Variants in PRKCB observed in about 807,000 individuals in gnomAD.
PRKCB encodes the protein protein kinase C beta type.
Under a neutral mutation model 81.5 loss-of-function variants are expected in PRKCB, and 13 were observed. That is an observed-to-expected ratio of 0.16 (90% CI 0.10 to 0.25). The LOEUF is 0.25. PRKCB is among the 10% of genes least tolerant of loss of function. The probability of loss-of-function intolerance (pLI) is 1.00; values close to 1 mark genes in which losing one functional copy is unlikely to be tolerated. For missense variants in PRKCB, 509 were observed against 875.7 expected, an observed-to-expected ratio of 0.58 and a Z score of 5.29; for synonymous variants, 335 against 321.4, an observed-to-expected ratio of 1.04 and a Z score of -0.45.
chr16:24,150,660 T>C (rs1967066051), intron 9 of PRKCB, among the ~76,000 whole-genome samples: 1 of 152,240 alleles, frequency 6.6e-6, no homozygotes, highest in African/African-American at 2.4e-5. Context: ...TTGAAACACT[T>C]GTTGCAAAAC....
At chr16:23,860,940 C>T (rs575633566) in intron 2 of PRKCB, among the ~76,000 whole-genome samples, 4 of 152,022 alleles carry the variant, frequency 2.6e-5, no homozygotes, top group Middle Eastern at 3.4e-3. Context: ...TTTAATTCTT[C>T]GGGTTAAGGA....
intron 2 of PRKCB, among the ~76,000 whole-genome samples, chr16:23,980,508 T>C (rs572925597): frequency 2.0e-5 from 3 of 152,346 alleles, no homozygotes; most frequent in Admixed American, 1.3e-4. Context: ...GGTACTGTGA[T>C]AAAATAAGGC....
chr16:23,963,007 A>C (rs903779101), intron 2 of PRKCB: 1 of 152,242 alleles, frequency 6.6e-6, no homozygotes, highest in African/African-American at 2.4e-5. Context: ...TTGGTTTTCC[A>C]GTCCTGAGTT....
At chr16:23,990,837 T>C (rs1400892892) in intron 3 of PRKCB, among the ~76,000 whole-genome samples, 3 of 152,210 alleles carry the variant, frequency 2.0e-5, no homozygotes, top group African/African-American at 4.8e-5. Context: ...CATGAGTCAC[T>C]GTACCTGACC....
chr16:23,934,706 G>A (rs566730441), intron 2 of PRKCB, among the ~76,000 whole-genome samples: 14 of 152,212 alleles, frequency 9.2e-5, no homozygotes, highest in Non-Finnish European at 1.6e-4. Context: ...TAGTCTGTTC[G>A]TTACTGGGAT....
At chr16:24,019,539 G>A (rs1251333122) in intron 3 of PRKCB, among the ~76,000 whole-genome samples, 3 of 152,052 alleles carry the variant, frequency 2.0e-5, no homozygotes, top group South Asian at 2.1e-4. Flanking sequence ...CGAAGCAGGC[G>A]GACCACTTGA....
intron 7 of PRKCB, among the ~76,000 whole-genome samples, chr16:24,105,429 A>G (rs1317234790): frequency 6.6e-6 from 1 of 151,858 alleles, no homozygotes; most frequent in East Asian, 1.9e-4. Flanking sequence ...GGTTTGTTAC[A>G]TAGGTATACA....
intron 13 of PRKCB, among the ~76,000 whole-genome samples, chr16:24,181,546 CACT>C (rs1169725965): frequency 6.6e-5 from 10 of 152,098 alleles, no homozygotes; most frequent in African/African-American, 2.2e-4. Context: ...GCAGGTGGAT[CACT>C]TGAGCCCAGG....
chr16:24,102,305 T>TGCAGATTTTTGCAGATAAAAGTCCTCC (rs1966519466), intron 7 of PRKCB, among the ~76,000 whole-genome samples: 1 of 152,252 alleles, frequency 6.6e-6, no homozygotes, highest in Non-Finnish European at 1.5e-5. Flanking sequence ...AAAAGCCCTC[T>TGCAGATTTTTGCAGATAAAAGTCCTCC]GCAGATTTTT....
chr16:24,220,091 C>T lies in PRKCB; in HGVS notation c.*5275C>T, dbSNP rs142427207. On this transcript the variant is annotated 3_prime_UTR_variant, in exon 17 of 17. Transcript: ENST00000643927. ...TTTGCTGGCTTCTCTTATACTAACC[C>T]AGAGTTTGTCATTAATGTGTAGGTG... The T allele has an allele frequency of 4.0e-5, 65 of 1,614,128 alleles. No individual in the cohort carries two copies. In the African/African-American group the frequency reaches 8.1e-4, roughly 20 times the overall value.
At chr16:24,128,492 T>C (rs909073025) in intron 9 of PRKCB, among the ~76,000 whole-genome samples, 2 of 152,226 alleles carry the variant, frequency 1.3e-5, no homozygotes, top group Non-Finnish European at 2.9e-5. Flanking sequence ...GTGAAGGACA[T>C]TGAATTTCAA....
intron 7 of PRKCB, among the ~76,000 whole-genome samples, chr16:24,096,172 G>T (rs1966436215): frequency 6.6e-6 from 1 of 151,900 alleles, no homozygotes; most frequent in African/African-American, 2.4e-5. Context: ...GGCATGTGAG[G>T]ATCACTTGAA....
At chr16:24,110,185 AGGGAGAGAGC>A (rs2141916321) in intron 7 of PRKCB, among the ~76,000 whole-genome samples, 1 of 131,272 alleles carries the variant, frequency 7.6e-6, no homozygotes, top group Non-Finnish European at 1.6e-5. Flanking sequence ...GGAGAGGGAG[AGGGAGAGAGC>A]GTCCCCAATC....
At chr16:23,884,028 C>T (rs1438910618) in intron 2 of PRKCB, among the ~76,000 whole-genome samples, 2 of 152,138 alleles carry the variant, frequency 1.3e-5, no homozygotes, top group African/African-American at 4.8e-5. Context: ...TTTACTTCCC[C>T]GCATAGCAAG....
At chr16:24,198,764 T>A (rs951604143) in intron 16 of PRKCB, among the ~76,000 whole-genome samples, 1 of 152,224 alleles carries the variant, frequency 6.6e-6, no homozygotes, top group African/African-American at 2.4e-5. Context: ...TCAACCAGAT[T>A]GTCAAGTGTT....
intron 2 of PRKCB, among the ~76,000 whole-genome samples, chr16:23,960,928 A>G (rs1457863833): frequency 1.3e-5 from 2 of 152,232 alleles, no homozygotes; most frequent in Admixed American, 6.5e-5. Flanking sequence ...CCTTGTGGCA[A>G]TGCCACTACT....
intron 10 of PRKCB, among the ~76,000 whole-genome samples, chr16:24,166,425 C>G (rs891188741): frequency 2.0e-5 from 3 of 152,150 alleles, no homozygotes; most frequent in Non-Finnish European, 2.9e-5. Flanking sequence ...TGGTCTTACC[C>G]TACCTTTCCC....
intron 7 of PRKCB, chr16:24,098,565 C>T (rs1966469071): frequency 6.6e-6 from 1 of 152,216 alleles, no homozygotes; most frequent in African/African-American, 2.4e-5. Flanking sequence ...GCCTGGCCAA[C>T]ATAGTGAAAC....
intron 3 of PRKCB, 136 bp from the exon 4 acceptor site, chr16:24,032,000 A>T (rs1965556173): frequency 1.7e-6 from 1 of 591,946 alleles, no homozygotes; most frequent in African/African-American, 1.9e-5. Flanking sequence ...GGCTCCAGCG[A>T]TGGTCCCAAC....
Sources: gnomAD v4.1 joint callset for allele counts (sites outside exome capture counted in the v4.1 genomes callset) on GRCh38, gnomAD v4.1.1 for gene constraint, MANE v1.5 for transcripts, NCBI Gene and HGNC (gene_info 2026-07-23, HGNC 2026-07-21) for gene names.